The following PRSS3 variants were observed in gnomAD, a reference collection of about 807,000 sequenced individuals.
The protein encoded by PRSS3 is trypsin-3.
A neutral mutation model predicts 20.8 loss-of-function variants in PRSS3; 14 were observed. That is an observed-to-expected ratio of 0.67 (90% CI 0.44 to 1.05). PRSS3 has a LOEUF of 1.05. PRSS3 is among the 50% of genes least tolerant of loss of function. The pLI, the probability that PRSS3 is intolerant of heterozygous loss-of-function variation, is 0.00. For synonymous variants in PRSS3, 91 were observed against 117.6 expected, an observed-to-expected ratio of 0.77 and a Z score of 1.46; for missense variants, 237 against 306.4, an observed-to-expected ratio of 0.77 and a Z score of 1.69.
chr9:33,763,750 T>A (rs1312577507), intron 1 of PRSS3, among the ~76,000 whole-genome samples: 1 of 148,648 alleles, frequency 6.7e-6, no homozygotes. Context: ...AGAGAGTAAG[T>A]GACATTATCT....
chr9:33,751,963 C>G (rs544696101), intron 1 of PRSS3, among the ~76,000 whole-genome samples: 3 of 152,252 alleles, frequency 2.0e-5, no homozygotes, highest in Admixed American at 2.0e-4. Flanking sequence ...ATGAAGGTTT[C>G]ATTGAATATG....
chr9:33,769,707 G>A (rs1823598308), intron 1 of PRSS3, among the ~76,000 whole-genome samples: 1 of 152,228 alleles, frequency 6.6e-6, no homozygotes, highest in Admixed American at 6.5e-5. Context: ...TCAGGGGCAG[G>A]ACTGGTGCCA....
At chr9:33,784,011 A>G (rs2119011127) in intron 1 of PRSS3, among the ~76,000 whole-genome samples, 1 of 152,262 alleles carries the variant, frequency 6.6e-6, no homozygotes, top group South Asian at 2.1e-4. Context: ...GAGGGAACTT[A>G]TTTTTTGTTC....
intron 1 of PRSS3, among the ~76,000 whole-genome samples, chr9:33,763,178 A>T (rs1207833569): frequency 2.6e-5 from 4 of 152,254 alleles, no homozygotes; most frequent in African/African-American, 9.6e-5. Context: ...AATAGAATGT[A>T]CTGAAACTAA....
intron 1 of PRSS3, among the ~76,000 whole-genome samples, chr9:33,764,706 A>G (rs1823345324): frequency 1.3e-5 from 2 of 152,238 alleles, no homozygotes; most frequent in Non-Finnish European, 2.9e-5. Context: ...CAAAATTACA[A>G]GCTTCTGTGC....
intron 1 of PRSS3, among the ~76,000 whole-genome samples, chr9:33,787,723 C>A (rs1159755110): frequency 1.3e-5 from 2 of 152,168 alleles, no homozygotes; most frequent in Non-Finnish European, 2.9e-5. Context: ...CTCTGTGGAG[C>A]TCCTGACATT....
chr9:33,795,554 G>T (rs749033125), upstream of PRSS3: 3 of 1,614,114 alleles, frequency 1.9e-6, no homozygotes, highest in Non-Finnish European at 2.5e-6. Context: ...TCCACCACCA[G>T]TCAGGCACAC....
At chr9:33,763,484 G>A (rs1010459596) in intron 1 of PRSS3, among the ~76,000 whole-genome samples, 2 of 152,072 alleles carry the variant, frequency 1.3e-5, no homozygotes, top group Non-Finnish European at 2.9e-5. Flanking sequence ...CGGATCACGA[G>A]GTCAGGAGAT....
intron 1 of PRSS3, among the ~76,000 whole-genome samples, chr9:33,766,962 ATTTTTTT>A (rs34542469): frequency 2.0e-5 from 3 of 148,130 alleles, no homozygotes; most frequent in African/African-American, 7.4e-5. Context: ...TACATGGTGG[ATTTTTTT>A]TTTTTTAAGT....
intron 1 of PRSS3, among the ~76,000 whole-genome samples, chr9:33,767,331 G>A (rs766783388): frequency 1.1e-4 from 17 of 152,010 alleles, no homozygotes; most frequent in Non-Finnish European, 1.6e-4. Context: ...GGAAATGTAA[G>A]TGTGAATTGA....
At chr9:33,795,961 C>G (rs984111842) in intron 1 of PRSS3, among the ~76,000 whole-genome samples, 1 of 152,228 alleles carries the variant, frequency 6.6e-6, no homozygotes, top group Non-Finnish European at 1.5e-5. Flanking sequence ...TCGAATGCAC[C>G]TGGGGAGGTT....
In PRSS3 at chr9:33,764,481, C is replaced by T. The variant is rs187854406; in HGVS notation, c.-53+13754C>T. 9.2e-5 allele frequency among the ~76,000 whole-genome samples: 14 copies of T among 152,168 alleles called. No individual in the cohort carries two copies. The East Asian group carries it at 2.1e-3, about 23-fold the overall frequency. ...GTAGGAGGCGAAGGTTGCAGTGAGC[C>T]GAGATTGCACCATTGCACTCCAGCC... is the stretch of plus-strand genomic sequence containing the variant. On this transcript the variant is annotated intron_variant, in intron 1 of 5. Coordinates refer to the PRSS3 transcript ENST00000342836.
chr9:33,767,735 G>A (rs56997414), intron 1 of PRSS3, among the ~76,000 whole-genome samples: 33,085 of 152,016 alleles, frequency 0.22, 3,752 homozygotes, highest in Middle Eastern at 0.24. Flanking sequence ...TGAGGCAGGA[G>A]AATCACTTGA....
chr9:33,798,943 A>T (rs910569871), intron 4 of PRSS3, 85 bp from the exon 5 acceptor site: 29 of 1,531,370 alleles, frequency 1.9e-5, no homozygotes, highest in African/African-American at 2.7e-5. Flanking sequence ...CTGGCTGGAA[A>T]GGGGTCTTTT....
chr9:33,772,124 A>C (rs1027184471), intron 1 of PRSS3, among the ~76,000 whole-genome samples: 6 of 152,140 alleles, frequency 3.9e-5, no homozygotes, highest in African/African-American at 9.7e-5. Flanking sequence ...CACCCACCTC[A>C]GCCTCCCAAT....
At chr9:33,778,921 C>T (rs1824060186) in intron 1 of PRSS3, among the ~76,000 whole-genome samples, 1 of 152,144 alleles carries the variant, frequency 6.6e-6, no homozygotes, top group South Asian at 2.1e-4. Context: ...AGCTATCGGC[C>T]ATTACTCTTA....
intron 1 of PRSS3, chr9:33,786,644 T>C (rs987166420): frequency 2.6e-6 from 2 of 766,336 alleles, no homozygotes; most frequent in African/African-American, 3.4e-5. Context: ...GTTCTGGTAC[T>C]GTCAGCAACC....
At chr9:33,765,252 G>A (rs1301396218) in intron 1 of PRSS3, among the ~76,000 whole-genome samples, 2 of 152,142 alleles carry the variant, frequency 1.3e-5, no homozygotes, top group African/African-American at 4.8e-5. Flanking sequence ...TTTCCTAGAT[G>A]TATATACCTA....
chr9:33,758,900 T>G (rs1274089038), intron 1 of PRSS3, among the ~76,000 whole-genome samples: 1 of 152,228 alleles, frequency 6.6e-6, no homozygotes, highest in Non-Finnish European at 1.5e-5. Context: ...GATGATAAGG[T>G]CTCTGCTCTT....
Sources: allele counts gnomAD v4.1 joint callset (sites outside exome capture counted in the v4.1 genomes callset), GRCh38; gene constraint gnomAD v4.1.1; transcripts MANE v1.5; gene names NCBI Gene and HGNC (gene_info 2026-07-23, HGNC 2026-07-21).